STRN3: variants seen among roughly 807,000 people sequenced by gnomAD.
STRN3 encodes the protein striatin 3.
Under a neutral mutation model 95.6 loss-of-function variants are expected in STRN3, and 29 were observed. The observed-to-expected ratio is 0.30, with a 90% confidence interval of 0.23 to 0.41. STRN3 has a LOEUF of 0.41. Among genes scored for constraint, STRN3 ranks in the 10% least tolerant of loss-of-function variants. STRN3 has a pLI of 1.00. For synonymous variants in STRN3, 331 were observed against 357.6 expected, an observed-to-expected ratio of 0.93 and a Z score of 0.84; for missense variants, 890 against 972.1, an observed-to-expected ratio of 0.92 and a Z score of 1.12.
intron 5 of STRN3, among the ~76,000 whole-genome samples, chr14:30,937,910 T>C (rs577166533): frequency 2.6e-5 from 4 of 152,266 alleles, no homozygotes; most frequent in Non-Finnish European, 4.4e-5. Flanking sequence ...AGTCGTCCCT[T>C]GGTTTCCATG....
intron 5 of STRN3, among the ~76,000 whole-genome samples, chr14:30,941,728 C>T (rs777944268): frequency 2.8e-4 from 42 of 152,074 alleles, no homozygotes; most frequent in African/African-American, 2.4e-4. Flanking sequence ...CAGGTTCAAG[C>T]GATTCTCATG....
At chr14:30,934,269 A>G (rs1878706480) in intron 7 of STRN3, among the ~76,000 whole-genome samples, 1 of 152,190 alleles carries the variant, frequency 6.6e-6, no homozygotes, top group Non-Finnish European at 1.5e-5. Flanking sequence ...GGTTGCAGTG[A>G]GCCAAGATTG....
intron 2 of STRN3, 67 bp from the exon 3 acceptor site, chr14:30,955,760 C>T: frequency 2.4e-6 from 3 of 1,270,562 alleles, no homozygotes; most frequent in Admixed American, 2.6e-5. Flanking sequence ...CTTTATATTA[C>T]TCCAATAACA....
chr14:30,941,001 G>T (rs1391500118), intron 5 of STRN3, among the ~76,000 whole-genome samples: 1 of 152,064 alleles, frequency 6.6e-6, no homozygotes, highest in Non-Finnish European at 1.5e-5. Flanking sequence ...CTCATGAATA[G>T]GATTAGTACC....
chr14:30,902,511 T>C lies in STRN3; in HGVS notation c.2137+25A>G, dbSNP rs1344025552. 3 of 1,440,340 alleles carry C rather than the reference T, an allele frequency of 2.1e-6. No individual in the cohort carries two copies. In the African/African-American group the frequency reaches 4.3e-5, roughly 21 times the overall value. The allele number at this position is 1,440,340 out of a possible 1,614,324, so 89.2% of individuals were successfully genotyped here. A position where few individuals can be genotyped will look rare whatever the true frequency, so the allele number is the denominator to read the frequency against. On this transcript the variant is annotated intron_variant, in intron 16 of 17. Transcript: ENST00000357479. ...CATCTCAAATTTACAGTATTACTAA[T>C]ATGAAAAGAAGACAATTTGCTTACC...
intron 1 of STRN3, among the ~76,000 whole-genome samples, chr14:31,020,112 T>C (rs1440692509): frequency 6.6e-6 from 1 of 152,200 alleles, no homozygotes; most frequent in African/African-American, 2.4e-5. Context: ...TACAATTAGG[T>C]ATTCCCGATA....
intron 1 of STRN3, among the ~76,000 whole-genome samples, chr14:31,019,878 C>T (rs926080457): frequency 1.4e-5 from 2 of 140,596 alleles, no homozygotes; most frequent in South Asian, 2.2e-4. Context: ...GTCCAGTTCA[C>T]TCATTTTCTT....
In STRN3 at chr14:30,991,903, T is replaced by C. The variant is rs149638204; in HGVS notation, c.282+34001A>G. On this transcript the variant is annotated intron_variant, in intron 1 of 17. Transcript: ENST00000357479. ...GAGTCCAAGACCAGCCTAGTCAACA[T>C]AGCAAGACCCCTTCTCTATTCTTTA... Among the ~76,000 whole-genome samples the C allele has an allele frequency of 3.4e-3, 501 of 146,588 alleles. 3 individuals carry two copies. The highest frequency in any genetic ancestry group is 0.012 in the African/African-American group (476 of 39,680).
At position 30,944,604 on chromosome 14, in the gene STRN3, T is replaced by C. The variant is rs530412915; in HGVS notation, c.716+2486A>G. ...AGACACACGCACATACATATATATA[T>C]ACACATATATATACACATTTTTTTT... On this transcript the variant is annotated intron_variant, in intron 5 of 17. Coordinates refer to ENST00000357479, the MANE Select transcript of STRN3 (RefSeq NM_001083893.2). Among the ~76,000 whole-genome samples the C allele has an allele frequency of 6.2e-4, 86 of 138,148 alleles. 1 individual carries two copies. Among genetic ancestry groups the C allele is most frequent in the African/African-American group, 2.1e-3 (77 of 36,958 alleles). 90.6% of individuals were successfully genotyped at this position (138,148 alleles called of 152,430 possible).
intron 7 of STRN3, among the ~76,000 whole-genome samples, chr14:30,934,321 T>C (rs1387057696): frequency 6.6e-6 from 1 of 152,008 alleles, no homozygotes; most frequent in Admixed American, 6.6e-5. Flanking sequence ...AGACTCTGTC[T>C]CAAAAAATAA....
intron 1 of STRN3, among the ~76,000 whole-genome samples, chr14:30,968,755 G>GA (rs144072934): frequency 0.62 from 93,958 of 150,352 alleles, 30,580 homozygotes; most frequent in Non-Finnish European, 0.73. Context: ...AAGTTGTGGA[G>GA]AAAAAAAAGG....
intron 4 of STRN3, among the ~76,000 whole-genome samples, chr14:30,950,100 CAG>C (rs1230387961): frequency 3.3e-5 from 5 of 151,120 alleles, no homozygotes; most frequent in African/African-American, 9.7e-5. Context: ...GCTAGGGAAA[CAG>C]AAATAAAATA....
intron 1 of STRN3, among the ~76,000 whole-genome samples, chr14:30,977,267 C>T (rs140318586): frequency 2.0e-5 from 3 of 151,920 alleles, no homozygotes; most frequent in Admixed American, 2.0e-4. Context: ...AGATTTGAAA[C>T]CAACAATTTA....
chr14:30,930,183 T>C (rs890352749), intron 7 of STRN3, among the ~76,000 whole-genome samples: 4 of 152,020 alleles, frequency 2.6e-5, no homozygotes, highest in African/African-American at 9.7e-5. Flanking sequence ...AAAACAGCAC[T>C]AAAAAGAGGC....
At position 30,913,739 on chromosome 14, in the gene STRN3, A is replaced by C. The variant is rs1254557566; in HGVS notation, c.1241-82T>G. 2.1e-6 allele frequency: 3 copies of C among 1,438,288 alleles called. No individual in the cohort carries two copies. The African/African-American group carries it at 4.3e-5, about 20-fold the overall frequency. 89.1% of individuals were successfully genotyped at this position (1,438,288 alleles called of 1,614,324 possible). On this transcript the variant is annotated intron_variant, in intron 9 of 17. Coordinates refer to ENST00000357479, the MANE Select transcript of STRN3 (RefSeq NM_001083893.2). ...ATTGTGGGGAAAATTTAAGCACTTA[A>C]CAGTTACAATATTCAGTAATATAAT...
At chr14:30,952,707 AC>A (rs769416851) in intron 3 of STRN3, among the ~76,000 whole-genome samples, 7 of 152,054 alleles carry the variant, frequency 4.6e-5, no homozygotes, top group Non-Finnish European at 1.0e-4. Flanking sequence ...CTCAAAAAAA[AC>A]CAAAAAAACA....
intron 6 of STRN3, among the ~76,000 whole-genome samples, chr14:30,935,990 C>A (rs768460203): frequency 5.3e-5 from 8 of 152,238 alleles, no homozygotes; most frequent in Non-Finnish European, 4.4e-5. Context: ...TCTACTTTGG[C>A]TTCTACAGCA....
rs141441825 is a variant in STRN3, at chr14:30,960,801, G to A, written c.283-4559C>T. ...GGAGAATGGCGTGAACCCGAGAGGC[G>A]GAGCTTGCAGTGAGCTGAGATGGTG... is the stretch of plus-strand genomic sequence containing the variant. On this transcript the variant is annotated intron_variant, in intron 1 of 17. Coordinates refer to ENST00000357479, the MANE Select transcript of STRN3 (RefSeq NM_001083893.2). 8.8e-3 allele frequency among the ~76,000 whole-genome samples: 1,315 copies of A among 148,962 alleles called. 20 individuals are homozygous for A. Among genetic ancestry groups the A allele is most frequent in the African/African-American group, 0.03 (1,225 of 40,392 alleles).
At chr14:30,999,890 G>T (rs1330604698) in intron 1 of STRN3, among the ~76,000 whole-genome samples, 1 of 152,028 alleles carries the variant, frequency 6.6e-6, no homozygotes, top group South Asian at 2.1e-4. Flanking sequence ...ATAAAAATAA[G>T]AAAATCTTGA....
Sources: gnomAD v4.1 joint callset for allele counts (sites outside exome capture counted in the v4.1 genomes callset) on GRCh38, gnomAD v4.1.1 for gene constraint, MANE v1.5 for transcripts, NCBI Gene and HGNC (gene_info 2026-07-23, HGNC 2026-07-21) for gene names.